DYNC1I1: variants seen among roughly 807,000 people sequenced by gnomAD.
DYNC1I1 encodes the protein dynein cytoplasmic 1 intermediate chain 1.
In DYNC1I1, 43 loss-of-function variants were observed where a neutral mutation model predicts 86.6. The ratio of observed to expected loss-of-function variants is 0.50; its 90% CI spans 0.39 to 0.64. The LOEUF (loss-of-function observed/expected upper bound fraction) is 0.64. DYNC1I1 is among the 30% of genes least tolerant of loss of function. The pLI, the probability that DYNC1I1 is intolerant of heterozygous loss-of-function variation, is 0.00. For synonymous variants in DYNC1I1, 262 were observed against 283.7 expected, an observed-to-expected ratio of 0.92 and a Z score of 0.77; for missense variants, 604 against 788.8, an observed-to-expected ratio of 0.77 and a Z score of 2.81.
At chr7:96,015,726 A>G (rs879775738) in intron 10 of DYNC1I1, among the ~76,000 whole-genome samples, 6 of 152,102 alleles carry the variant, frequency 3.9e-5, no homozygotes, top group Non-Finnish European at 8.8e-5. Context: ...GGTATTTTCT[A>G]TGCTGCAGCC....
intron 6 of DYNC1I1, among the ~76,000 whole-genome samples, chr7:95,883,331 T>A (rs1222855455): frequency 6.6e-6 from 1 of 152,210 alleles, no homozygotes. Flanking sequence ...AGTGGTTCTA[T>A]CTGCCCTCAA....
At chr7:96,106,464 G>A (rs903928876) in intron 16 of DYNC1I1, among the ~76,000 whole-genome samples, 1 of 152,088 alleles carries the variant, frequency 6.6e-6, no homozygotes. Context: ...CAACTCCAGA[G>A]GCGGAGGTTA....
chr7:95,996,869 A>G (rs916498844), intron 10 of DYNC1I1, among the ~76,000 whole-genome samples: 2 of 152,210 alleles, frequency 1.3e-5, no homozygotes, highest in Non-Finnish European at 2.9e-5. Context: ...AATGTTAACA[A>G]TTCAGAGGTA....
intron 10 of DYNC1I1, among the ~76,000 whole-genome samples, chr7:96,004,285 T>C (rs1197377703): frequency 6.6e-6 from 1 of 152,212 alleles, no homozygotes; most frequent in African/African-American, 2.4e-5. Context: ...GAAAGATTTA[T>C]CTTCGTTAAT....
intron 6 of DYNC1I1, among the ~76,000 whole-genome samples, chr7:95,967,934 T>C (rs181929071): frequency 6.6e-6 from 1 of 152,018 alleles, no homozygotes; most frequent in African/African-American, 2.4e-5. Flanking sequence ...GTGAACACAG[T>C]AGAGGACATT....
intron 6 of DYNC1I1, among the ~76,000 whole-genome samples, chr7:95,877,284 C>T (rs1297012918): frequency 6.6e-6 from 1 of 152,194 alleles, no homozygotes; most frequent in African/African-American, 2.4e-5. Context: ...GGAGATTTTA[C>T]CTTGGCTTCA....
At chr7:96,026,462 A>G (rs1476722526) in intron 10 of DYNC1I1, among the ~76,000 whole-genome samples, 7 of 151,810 alleles carry the variant, frequency 4.6e-5, no homozygotes, top group South Asian at 4.2e-4. Flanking sequence ...TTGCTGGTGT[A>G]TCAGTTATGA....
intron 6 of DYNC1I1, among the ~76,000 whole-genome samples, chr7:95,972,079 CA>C (rs1306965831): frequency 6.6e-6 from 1 of 152,148 alleles, no homozygotes; most frequent in Non-Finnish European, 1.5e-5. Context: ...TCGTAAAACA[CA>C]AACCCCTCTC....
chr7:96,075,676 C>A (rs1790310317), intron 14 of DYNC1I1, among the ~76,000 whole-genome samples: 1 of 152,190 alleles, frequency 6.6e-6, no homozygotes. Flanking sequence ...TTCAGAACAT[C>A]CCCGCGGGTC....
chr7:95,883,499 G>A (rs1203918689), intron 6 of DYNC1I1, among the ~76,000 whole-genome samples: 2 of 152,138 alleles, frequency 1.3e-5, no homozygotes, highest in Non-Finnish European at 2.9e-5. Context: ...CTCCTTCATA[G>A]TAGCCCCGAG....
intron 16 of DYNC1I1, among the ~76,000 whole-genome samples, chr7:96,095,986 A>G (rs1317886220): frequency 6.6e-6 from 1 of 152,140 alleles, no homozygotes; most frequent in Non-Finnish European, 1.5e-5. Context: ...AGTAGCATTT[A>G]ACCATTCAGA....
intron 10 of DYNC1I1, among the ~76,000 whole-genome samples, chr7:96,014,300 G>C (rs1183717145): frequency 6.6e-6 from 1 of 152,160 alleles, no homozygotes; most frequent in Non-Finnish European, 1.5e-5. Context: ...TATAGAAAGA[G>C]AGTCTTTCCA....
At chr7:95,856,122 T>G (rs2600565) in intron 5 of DYNC1I1, among the ~76,000 whole-genome samples, 2 of 152,154 alleles carry the variant, frequency 1.3e-5, no homozygotes, top group Admixed American at 1.3e-4. Flanking sequence ...CTGTTTTTTT[T>G]AATATTCTGT....
downstream of DYNC1I1, among the ~76,000 whole-genome samples, chr7:96,099,794 C>A (rs1031628850): frequency 2.0e-5 from 3 of 152,156 alleles, no homozygotes; most frequent in Admixed American, 1.3e-4. Context: ...TGGGAATGAA[C>A]ATAAACATTC....
intron 10 of DYNC1I1, among the ~76,000 whole-genome samples, chr7:95,998,264 C>T (rs907052008): frequency 5.9e-5 from 9 of 152,214 alleles, no homozygotes; most frequent in African/African-American, 1.4e-4. Flanking sequence ...TCGCATACAT[C>T]GTGCCATCAC....
At chr7:96,006,628 T>C (rs762023022) in intron 10 of DYNC1I1, among the ~76,000 whole-genome samples, 1 of 152,216 alleles carries the variant, frequency 6.6e-6, no homozygotes, top group African/African-American at 2.4e-5. Context: ...TTGGACAACA[T>C]GGACAGAGAA....
intron 1 of DYNC1I1, among the ~76,000 whole-genome samples, chr7:95,783,748 TGATTAAG>T (rs1562890707): frequency 7.9e-5 from 12 of 152,268 alleles, no homozygotes; most frequent in African/African-American, 2.6e-4. Flanking sequence ...AATGTGATTA[TGATTAAG>T]AGGTAGTATA....
intron 1 of DYNC1I1, among the ~76,000 whole-genome samples, chr7:95,782,383 T>G (rs866630594): frequency 2.0e-5 from 3 of 152,188 alleles, no homozygotes; most frequent in African/African-American, 7.2e-5. Context: ...TAACCACATA[T>G]GTAGTGGTTT....
In DYNC1I1 at chr7:96,092,259, T is replaced by A. The variant is rs182574024; in HGVS notation, c.1777-5224T>A. Among the ~76,000 whole-genome samples the A allele has an allele frequency of 5.9e-3, 896 of 151,482 alleles. 8 individuals carry two copies. Among genetic ancestry groups the A allele is most frequent in the African/African-American group, 0.021 (855 of 41,278 alleles). Reference sequence around the variant, plus strand: ...GCAAGGAAGAAAGAAAATAAAAAAATTGGAAGAAAGGAATAAACATTAAGA... The same window carrying A: ...GCAAGGAAGAAAGAAAATAAAAAAAATGGAAGAAAGGAATAAACATTAAGA... On this transcript the variant is annotated intron_variant, in intron 16 of 16. Coordinates refer to ENST00000447467, the MANE Select transcript of DYNC1I1 (RefSeq NM_001135556.2).
Sources: allele counts gnomAD v4.1 joint callset (sites outside exome capture counted in the v4.1 genomes callset), GRCh38; gene constraint gnomAD v4.1.1; transcripts MANE v1.5; gene names NCBI Gene and HGNC (gene_info 2026-07-23, HGNC 2026-07-21).